The following FRMD4B variants were observed in gnomAD, a reference collection of about 807,000 sequenced individuals.
The protein encoded by FRMD4B is FERM domain-containing protein 4B.
In FRMD4B, 74 loss-of-function variants were observed where a neutral mutation model predicts 141.5. The ratio of observed to expected loss-of-function variants is 0.52; its 90% CI spans 0.43 to 0.63. The LOEUF is 0.63. Ranked by LOEUF, FRMD4B falls within the 30% of genes least tolerant of loss-of-function variation. The pLI, the probability that FRMD4B is intolerant of heterozygous loss-of-function variation, is 0.00. For synonymous variants in FRMD4B, 506 were observed against 467.9 expected (o/e 1.08, Z -1.05); for missense variants, 1,366 against 1,253.4 (o/e 1.09, Z -1.36).
At chr3:69,443,432 G>A (rs1705368139) in intron 1 of FRMD4B, among the ~76,000 whole-genome samples, 1 of 152,136 alleles carries the variant, frequency 6.6e-6, no homozygotes, top group Admixed American at 6.6e-5. Context: ...GAACTGGTAA[G>A]TGAAGTGTTT....
At chr3:69,186,690 C>T (rs540335671) in intron 19 of FRMD4B, among the ~76,000 whole-genome samples, 5 of 152,218 alleles carry the variant, frequency 3.3e-5, no homozygotes, top group East Asian at 1.9e-4. Flanking sequence ...CCAGCCTGAG[C>T]GACAGAAAGA....
rs901107471 is a variant in FRMD4B, at chr3:69,308,610, T to C, written c.323+2653A>G. ...GCACCATCATGCCCCCTTAATGTTT[T>C]TGCATTTTTAGTAGAGATGGGGTTT... On this transcript the variant is annotated intron_variant, in intron 3 of 22. Coordinates refer to ENST00000398540, the MANE Select transcript of FRMD4B (RefSeq NM_015123.3). 2.0e-5 allele frequency among the ~76,000 whole-genome samples: 3 copies of C among 152,022 alleles called. 1 individual carries two copies. Among genetic ancestry groups the C allele is most frequent in the Middle Eastern group, 6.3e-3 (2 of 316 alleles).
chr3:69,234,121 G>T (rs528902202), intron 7 of FRMD4B, among the ~76,000 whole-genome samples: 6 of 151,918 alleles, frequency 3.9e-5, no homozygotes, highest in Non-Finnish European at 7.4e-5. Flanking sequence ...TGGCGCGTGC[G>T]TGTAGTCCCA....
intron 1 of FRMD4B, among the ~76,000 whole-genome samples, chr3:69,375,442 A>G (rs1392143498): frequency 1.3e-5 from 2 of 151,426 alleles, no homozygotes; most frequent in Non-Finnish European, 2.9e-5. Flanking sequence ...CAAGAAAATA[A>G]CTCTTTGATG....
At position 69,499,691 on chromosome 3, in the gene FRMD4B, CAGAGAGAGAG is replaced by C. The variant is rs149911069; in HGVS notation, c.-129+42505_-129+42514del. Reference sequence around the variant, plus strand: ...ATTCTATCTGCAGAGAGCAGGAAGACAGAGAGAGAGAGAGAGAGAGAGATGGATTCTAATA... The same window carrying C: ...ATTCTATCTGCAGAGAGCAGGAAGACAGAGAGAGAGAGATGGATTCTAATA... On this transcript the variant is annotated intron_variant, in intron 1 of 5. Coordinates refer to the FRMD4B transcript ENST00000459638. Among the ~76,000 whole-genome samples the C allele has an allele frequency of 6.0e-5, 9 of 149,566 alleles. No homozygotes were observed. The East Asian group carries it at 1.2e-3, about 20-fold the overall frequency.
intron 1 of FRMD4B, among the ~76,000 whole-genome samples, chr3:69,513,174 G>C (rs1327585393): frequency 2.2e-4 from 33 of 151,530 alleles, no homozygotes; most frequent in Non-Finnish European, 1.5e-5. Flanking sequence ...GATGAACTAA[G>C]AAAAAAAGAG....
At chr3:69,248,901 G>A (rs920718126) in intron 7 of FRMD4B, among the ~76,000 whole-genome samples, 2 of 151,896 alleles carry the variant, frequency 1.3e-5, no homozygotes, top group African/African-American at 4.9e-5. Context: ...CAAGATTATT[G>A]TAAGGTTTTT....
chr3:69,242,994 CA>C (rs34623002), intron 7 of FRMD4B, among the ~76,000 whole-genome samples: 3,978 of 111,754 alleles, frequency 0.036, 155 homozygotes, highest in African/African-American at 0.13. Context: ...AACTCTGTCT[CA>C]AAAAAAAAAA....
At chr3:69,239,682 G>A (rs1015702091) in intron 7 of FRMD4B, among the ~76,000 whole-genome samples, 3 of 152,124 alleles carry the variant, frequency 2.0e-5, no homozygotes, top group East Asian at 1.9e-4. Flanking sequence ...CATGGACTGC[G>A]GGAGGAGTGA....
At chr3:69,263,973 A>AC (rs1279395934) in intron 5 of FRMD4B, among the ~76,000 whole-genome samples, 2 of 151,218 alleles carry the variant, frequency 1.3e-5, no homozygotes, top group African/African-American at 4.9e-5. Flanking sequence ...TTACAGGCAC[A>AC]CACCCCCAAG....
intron 2 of FRMD4B, among the ~76,000 whole-genome samples, chr3:69,427,889 C>T (rs918380208): frequency 4.0e-5 from 6 of 151,776 alleles, no homozygotes; most frequent in African/African-American, 9.7e-5. Flanking sequence ...CTCCTGACCT[C>T]GAGTGATCTG....
intron 7 of FRMD4B, among the ~76,000 whole-genome samples, chr3:69,247,200 T>A (rs2093430981): frequency 6.6e-6 from 1 of 152,140 alleles, no homozygotes; most frequent in Admixed American, 6.5e-5. Flanking sequence ...ATACATTTGA[T>A]TCTCATGACA....
chr3:69,373,718 T>A (rs2107496204), intron 1 of FRMD4B, among the ~76,000 whole-genome samples: 1 of 152,044 alleles, frequency 6.6e-6, no homozygotes, highest in African/African-American at 2.4e-5. Flanking sequence ...AATAAAAAAA[T>A]ACAAAAAATT....
At chr3:69,262,537 C>G (rs2106865298) in intron 5 of FRMD4B, among the ~76,000 whole-genome samples, 1 of 141,402 alleles carries the variant, frequency 7.1e-6, no homozygotes, top group African/African-American at 2.6e-5. Context: ...TCGATCTCCA[C>G]TCATCATCGC....
chr3:69,250,288 TGC>T lies in FRMD4B; in HGVS notation c.502-191_502-190del, dbSNP rs1491095488. The T allele has an allele frequency of 1.0e-5, 5 of 501,574 alleles. No homozygotes were observed. In the African/African-American group the frequency reaches 1.3e-4, roughly 13 times the overall value. 31.1% of individuals were successfully genotyped at this position (501,574 alleles called of 1,614,324 possible). ...AGGGTTAAGGCGAAACCACTGTGTG[TGC>T]GTGTGTGTGTGTGTGTGTGTGTGTG... is the stretch of plus-strand genomic sequence containing the variant. On this transcript the variant is annotated intron_variant, in intron 5 of 22. Coordinates refer to ENST00000398540, the MANE Select transcript of FRMD4B (RefSeq NM_015123.3).
intron 5 of FRMD4B, among the ~76,000 whole-genome samples, chr3:69,257,988 G>A (rs545227471): frequency 1.7e-3 from 262 of 152,228 alleles, no homozygotes; most frequent in African/African-American, 6.0e-3. Flanking sequence ...CACCACACCA[G>A]GCTATTTTTT....
intron 3 of FRMD4B, among the ~76,000 whole-genome samples, chr3:69,304,095 G>C (rs1332285449): frequency 6.6e-6 from 1 of 150,554 alleles, no homozygotes; most frequent in Non-Finnish European, 1.5e-5. Context: ...AGGATTGCTT[G>C]AGCCCAGGAG....
chr3:69,194,103 T>G (rs1559703058), intron 16 of FRMD4B, among the ~76,000 whole-genome samples: 1 of 152,246 alleles, frequency 6.6e-6, no homozygotes, highest in Non-Finnish European at 1.5e-5. Flanking sequence ...GGGAATGGCC[T>G]TTCATTCATT....
rs570408779 is a variant in FRMD4B, at chr3:69,307,112, T to A, written c.323+4151A>T. Among the ~76,000 whole-genome samples the A allele has an allele frequency of 3.3e-5, 5 of 152,104 alleles. No homozygotes were observed. In the East Asian group the frequency reaches 9.7e-4, roughly 29 times the overall value. On this transcript the variant is annotated intron_variant, in intron 3 of 22. Transcript: ENST00000398540. ...AGGAGACACCTCCCCAAACTGGTCATAATTCAAAAAGAGACTCTGCCGTCA... is the reference window on the plus strand; with the variant it reads ...AGGAGACACCTCCCCAAACTGGTCAAAATTCAAAAAGAGACTCTGCCGTCA...
Sources: allele counts gnomAD v4.1 joint callset (sites outside exome capture counted in the v4.1 genomes callset), GRCh38; gene constraint gnomAD v4.1.1; transcripts MANE v1.5; gene names NCBI Gene and HGNC (gene_info 2026-07-23, HGNC 2026-07-21).